Variants in TBC1D22A observed in about 807,000 individuals in gnomAD.
TBC1D22A encodes putative GTPase activator.
Under a neutral mutation model 60.2 loss-of-function variants are expected in TBC1D22A, and 38 were observed. That is an observed-to-expected ratio of 0.63 (90% CI 0.49 to 0.83). The LOEUF (loss-of-function observed/expected upper bound fraction) is 0.83, where lower values mean the gene tolerates loss of function less well. Among genes scored for constraint, TBC1D22A ranks in the 40% least tolerant of loss-of-function variants. The probability of loss-of-function intolerance (pLI) is 0.00; values close to 1 mark genes in which losing one functional copy is unlikely to be tolerated. For missense variants in TBC1D22A, 628 were observed against 701.0 expected (o/e 0.90, Z 1.18); for synonymous variants, 302 against 281.7 (o/e 1.07, Z -0.72).
intron 10 of TBC1D22A, among the ~76,000 whole-genome samples, chr22:47,015,946 G>A (rs1379765132): frequency 6.6e-6 from 1 of 152,148 alleles, no homozygotes; most frequent in African/African-American, 2.4e-5. Flanking sequence ...TGCCACTCAG[G>A]CCCCTGCAGC....
chr22:47,057,631 A>G (rs1409929510), intron 11 of TBC1D22A, among the ~76,000 whole-genome samples: 1 of 152,218 alleles, frequency 6.6e-6, no homozygotes, highest in Admixed American at 6.5e-5. Context: ...AAGGAGGAGC[A>G]AAAGCGCGTC....
At chr22:46,840,583 A>AT (rs2086708385) in intron 4 of TBC1D22A, among the ~76,000 whole-genome samples, 1 of 152,130 alleles carries the variant, frequency 6.6e-6, no homozygotes, top group African/African-American at 2.4e-5. Flanking sequence ...AAATACAAAA[A>AT]TTAGCTGGGC....
At chr22:47,080,398 G>A (rs1603245415) in intron 11 of TBC1D22A, among the ~76,000 whole-genome samples, 1 of 152,150 alleles carries the variant, frequency 6.6e-6, no homozygotes, top group East Asian at 1.9e-4. Flanking sequence ...AAGTTATATG[G>A]AGTATGTTAT....
intron 11 of TBC1D22A, among the ~76,000 whole-genome samples, chr22:47,084,137 C>T (rs2064584995): frequency 6.6e-6 from 1 of 152,200 alleles, no homozygotes; most frequent in Admixed American, 6.5e-5. Context: ...GCTGCCCTGT[C>T]TAGTATGGTG....
In TBC1D22A at chr22:46,840,136, A is replaced by G. The variant is rs191914543; in HGVS notation, c.638-38517A>G. Among the ~76,000 whole-genome samples the G allele has an allele frequency of 1.6e-3, 246 of 152,370 alleles. 1 individual carries two copies. Among genetic ancestry groups the G allele is most frequent in the African/African-American group, 4.1e-3 (172 of 41,592 alleles). On this transcript the variant is annotated intron_variant, in intron 4 of 12. Transcript: ENST00000337137. The stretch of plus-strand genomic sequence containing the variant: ...AAAAAGCTTCTGCACAGCAAAGGAA[A>G]TAATCATCAGAGTGAAGAGACAACC...
At chr22:47,173,083 G>T (rs1421337927) in intron 12 of TBC1D22A, among the ~76,000 whole-genome samples, 1 of 152,384 alleles carries the variant, frequency 6.6e-6, no homozygotes, top group African/African-American at 2.4e-5. Context: ...CAAAGCTGCA[G>T]CAGGGCCCCG....
intron 10 of TBC1D22A, among the ~76,000 whole-genome samples, chr22:47,001,054 G>T (rs755292867): frequency 6.6e-5 from 10 of 152,030 alleles, no homozygotes; most frequent in Admixed American, 4.6e-4. Context: ...CATCCAACCC[G>T]ATTAGTCAGG....
chr22:47,117,280 T>C, intron 12 of TBC1D22A: 1 of 164,404 alleles, frequency 6.1e-6, no homozygotes. Flanking sequence ...AAGAAAACAC[T>C]GGGTAGAGCA....
At chr22:47,145,106 A>G (rs2067241261) in intron 12 of TBC1D22A, among the ~76,000 whole-genome samples, 1 of 152,208 alleles carries the variant, frequency 6.6e-6, no homozygotes, top group Admixed American at 6.5e-5. Flanking sequence ...CAGCCTGGCA[A>G]GGGCAGGGCT....
At chr22:46,793,465 G>A (rs767263405) in intron 2 of TBC1D22A, 36 bp from the exon 3 acceptor site, 14 of 1,607,624 alleles carry the variant, frequency 8.7e-6, no homozygotes, top group African/African-American at 4.0e-5. Flanking sequence ...TGAAGCCTTC[G>A]AGCATGTACG....
intron 1 of TBC1D22A, among the ~76,000 whole-genome samples, chr22:46,770,440 G>C (rs957114008): frequency 1.3e-5 from 2 of 152,226 alleles, no homozygotes; most frequent in South Asian, 2.1e-4. Context: ...GATAGTGAAT[G>C]CATGTTTTAA....
intron 4 of TBC1D22A, among the ~76,000 whole-genome samples, chr22:46,806,492 A>C (rs1385449475): frequency 6.7e-6 from 1 of 150,346 alleles, no homozygotes; most frequent in East Asian, 1.9e-4. Context: ...TTATTTAAAA[A>C]ATATTTAAAA....
rs1021808630 is a variant in TBC1D22A at position 46,894,790 on chromosome 22, A to G, written c.844A>G (p.Ile282Val). 9 of 1,614,146 alleles carry G rather than the reference A, an allele frequency of 5.6e-6. No individual in the cohort carries two copies. Among genetic ancestry groups the G allele is most frequent in the African/African-American group, 2.7e-5 (2 of 74,950 alleles). ...VHQDTYRQIH[I>V]DIPRMSPEAL... ...GTTTCTCCTGCTTCTCCAGATCCAC[A>G]TAGACATCCCTCGCATGAGCCCTGA... The change falls in exon 7 of 13, where the codon ATA becomes GTA. Residue 282 changes from isoleucine (I) to valine (V), a missense_variant. Ile to Val is a conservative substitution (Grantham distance 29). Coordinates refer to ENST00000337137, the MANE Select transcript of TBC1D22A (RefSeq NM_014346.5).
chr22:47,052,524 C>T (rs941570856), intron 11 of TBC1D22A, among the ~76,000 whole-genome samples: 4 of 152,206 alleles, frequency 2.6e-5, no homozygotes, highest in African/African-American at 7.2e-5. Context: ...GAGACCCTCC[C>T]ACAGTGGGGA....
chr22:46,912,201 G>C lies in TBC1D22A; in HGVS notation c.1015+13G>C, dbSNP rs1330549170. ...TGTGAATACATAGGTAAGATTTCTT[G>C]CAAACATTAAACGTGAACTTTAGTG... On this transcript the variant is annotated intron_variant, in intron 8 of 12. Transcript: ENST00000337137. The C allele has an allele frequency of 1.3e-6, 2 of 1,596,086 alleles. No homozygotes were observed. The highest frequency in any genetic ancestry group is 3.4e-5 in the Admixed American group (2 of 59,582).
chr22:47,140,037 T>C (rs2067021054), intron 12 of TBC1D22A, among the ~76,000 whole-genome samples: 1 of 152,224 alleles, frequency 6.6e-6, no homozygotes, highest in African/African-American at 2.4e-5. Flanking sequence ...TCTGTCACTT[T>C]GGAGATGTGT....
At chr22:47,151,193 T>G (rs2067487664) in intron 12 of TBC1D22A, among the ~76,000 whole-genome samples, 1 of 152,190 alleles carries the variant, frequency 6.6e-6, no homozygotes, top group Admixed American at 6.5e-5. Flanking sequence ...CTCACCAGAC[T>G]GTTGATCTGA....
chr22:47,165,704 G>T (rs5766705), intron 12 of TBC1D22A, among the ~76,000 whole-genome samples: 1 of 151,888 alleles, frequency 6.6e-6, no homozygotes, highest in Non-Finnish European at 1.5e-5. Context: ...AAGACGGAGG[G>T]GTCAAGAGAA....
chr22:46,934,332 C>T (rs1316245769), intron 8 of TBC1D22A, among the ~76,000 whole-genome samples: 2 of 152,208 alleles, frequency 1.3e-5, no homozygotes, highest in African/African-American at 4.8e-5. Flanking sequence ...CTGGAAACCT[C>T]GGTTACATTC....
Sources: allele counts gnomAD v4.1 joint callset (sites outside exome capture counted in the v4.1 genomes callset), GRCh38; gene constraint gnomAD v4.1.1; transcripts MANE v1.5; gene names NCBI Gene and HGNC (gene_info 2026-07-23, HGNC 2026-07-21).